The following SKOR2 variants were observed in gnomAD, a reference collection of about 807,000 sequenced individuals.
The protein encoded by SKOR2 is LBX1 corepressor 1-like protein.
In SKOR2, 47 loss-of-function variants were observed where a neutral mutation model predicts 69.1. The observed-to-expected ratio is 0.68, with a 90% CI of 0.54 to 0.87. SKOR2 has a LOEUF of 0.87. Among genes scored for constraint, SKOR2 ranks in the 40% least tolerant of loss-of-function variants. The pLI, the probability that SKOR2 is intolerant of heterozygous loss-of-function variation, is 0.00. For missense variants in SKOR2, 1,404 were observed against 1,472.2 expected (o/e 0.95, Z 0.76); for synonymous variants, 717 against 672.6 (o/e 1.07, Z -1.02).
chr18:47,222,103 T>C (rs2064163381), intron 6 of SKOR2, among the ~76,000 whole-genome samples: 1 of 152,158 alleles, frequency 6.6e-6, no homozygotes, highest in South Asian at 2.1e-4. Flanking sequence ...GGAAAATTGC[T>C]TGAGCCCAGG....
rs538459967 is a variant in SKOR2 at position 47,222,621 on chromosome 18, C to T, written c.2918-2611G>A. Among the ~76,000 whole-genome samples the T allele has an allele frequency of 5.9e-5, 9 of 152,330 alleles. No individual in the cohort carries two copies. The East Asian group carries it at 9.7e-4, about 16-fold the overall frequency. ...AGGAAGATCAGTGTGGTTCCAGACA[C>T]TGGAGCACATGGCAAGCATGGCTCC... On this transcript the variant is annotated intron_variant, in intron 6 of 8. Coordinates refer to ENST00000425639, the MANE Select transcript of SKOR2 (RefSeq NM_001278063.4).
intron 1 of SKOR2, among the ~76,000 whole-genome samples, chr18:47,249,797 G>T (rs1187428760): frequency 1.3e-5 from 2 of 152,084 alleles, no homozygotes; most frequent in East Asian, 3.9e-4. Flanking sequence ...AACGAAATCA[G>T]CCTTCTCCCT....
chr18:47,213,289 T>C (rs2064133459), intron 7 of SKOR2, among the ~76,000 whole-genome samples: 1 of 151,228 alleles, frequency 6.6e-6, no homozygotes, highest in South Asian at 2.1e-4. Context: ...TTCTAGAATG[T>C]AATGTGAAAT....
Position 47,250,379 on chromosome 18 carries a change from C to T in SKOR2, c.-48+995G>A, listed in dbSNP as rs911382850. Among the ~76,000 whole-genome samples the T allele has an allele frequency of 2.0e-5, 3 of 152,094 alleles. No homozygotes were observed. The East Asian group carries it at 5.8e-4, about 29-fold the overall frequency. On this transcript the variant is annotated intron_variant, in intron 1 of 8. Transcript: ENST00000425639. The stretch of plus-strand genomic sequence containing the variant: ...AAGTTGAAAATACAGAACAAGGAAG[C>T]GGAAAGAAATTTTAGTGACAATGCC...
rs1050184782 is a variant in SKOR2, at chr18:47,247,404, G to C, written c.1780C>G (p.Pro594Ala). The part of the protein sequence containing the change: ...GAGAAAAGSG[P>A]AGSRVPAPHH... Reference sequence around the variant, plus strand: ...GGCGCCGGAACCCGGGAGCCCGCGGGGCCAGACCCGGCGGCCGCGGCCCCT... The same window carrying C: ...GGCGCCGGAACCCGGGAGCCCGCGGCGCCAGACCCGGCGGCCGCGGCCCCT... The change falls in exon 2 of 9, where the codon CCC (proline) becomes GCC (alanine). Residue 594 changes from proline (P) to alanine (A), a missense_variant. Pro to Ala is a conservative substitution (Grantham distance 27). Transcript: ENST00000425639. The surrounding 1 kb of genome is among the most constrained non-coding windows in gnomAD (Gnocchi z 6.6). 8 of 1,326,900 alleles carry C rather than the reference G, an allele frequency of 6.0e-6. No individual in the cohort carries two copies. The highest frequency in any genetic ancestry group is 7.7e-6 in the Non-Finnish European group (8 of 1,041,912). The allele number at this position is 1,326,900 out of a possible 1,614,324, so 82.2% of individuals were successfully genotyped here.
intron 4 of SKOR2, among the ~76,000 whole-genome samples, chr18:47,235,795 A>C (rs1181136796): frequency 2.0e-5 from 3 of 151,484 alleles, no homozygotes; most frequent in African/African-American, 4.8e-5. Flanking sequence ...AAAAAAAAAA[A>C]AAAAAACAGC....
intron 4 of SKOR2, among the ~76,000 whole-genome samples, chr18:47,238,958 T>C (rs1600043020): frequency 6.6e-6 from 1 of 152,234 alleles, no homozygotes; most frequent in East Asian, 1.9e-4. Flanking sequence ...AAGCTCCACG[T>C]ATGCATGTTT....
intron 6 of SKOR2, among the ~76,000 whole-genome samples, chr18:47,220,694 A>G (rs2144486001): frequency 6.6e-6 from 1 of 152,300 alleles, no homozygotes; most frequent in East Asian, 1.9e-4. Context: ...TTATTGCATT[A>G]GGGAAAAAAT....
At chr18:47,233,619 A>T (rs149036698) in intron 4 of SKOR2, among the ~76,000 whole-genome samples, 104 of 152,320 alleles carry the variant, frequency 6.8e-4, no homozygotes, top group African/African-American at 2.3e-3. Flanking sequence ...CAACTTTCTC[A>T]ACCACTCAAA....
intron 7 of SKOR2, among the ~76,000 whole-genome samples, chr18:47,214,312 A>C (rs1276749205): frequency 6.6e-6 from 1 of 152,218 alleles, no homozygotes; most frequent in African/African-American, 2.4e-5. Flanking sequence ...GAAGGAAAAG[A>C]AAAGCAAAAA....
chr18:47,216,904 A>G lies in SKOR2; in HGVS notation c.2985+3039T>C, dbSNP rs577254881. On this transcript the variant is annotated intron_variant, in intron 7 of 8. Coordinates refer to ENST00000425639, the MANE Select transcript of SKOR2 (RefSeq NM_001278063.4). ...TTCAGGAAGCAAAGCATGCAACCAT[A>G]TTGACTGATGAATAAGATCATCCAA... 4.6e-5 allele frequency among the ~76,000 whole-genome samples: 7 copies of G among 152,340 alleles called. No homozygotes were observed. In the East Asian group the frequency reaches 1.3e-3, roughly 29 times the overall value.
chr18:47,218,900 T>TTG (rs1400528457), intron 7 of SKOR2, among the ~76,000 whole-genome samples: 1 of 152,120 alleles, frequency 6.6e-6, no homozygotes, highest in Non-Finnish European at 1.5e-5. Context: ...GAACTGAGAG[T>TTG]TGTTAACGAT....
chr18:47,245,404 G>T, intron 3 of SKOR2, 94 bp downstream of exon 3: 1 of 1,108,068 alleles, frequency 9.0e-7, no homozygotes, highest in Non-Finnish European at 1.2e-6. Flanking sequence ...CAGAATGGTG[G>T]TAGTGGGTAG....
intron 1 of SKOR2, 56 bp from the exon 2 acceptor site, chr18:47,249,286 G>T: frequency 1.5e-6 from 2 of 1,356,026 alleles, no homozygotes; most frequent in Non-Finnish European, 1.9e-6. Flanking sequence ...AAACAGAGGG[G>T]TGGGATGAAT....
chr18:47,212,047 C>G, intron 8 of SKOR2, 39 bp downstream of exon 8: 4 of 1,229,328 alleles, frequency 3.3e-6, no homozygotes, highest in Non-Finnish European at 4.1e-6. Flanking sequence ...CACAACAATA[C>G]AGAGAGTTAA....
intron 4 of SKOR2, among the ~76,000 whole-genome samples, chr18:47,241,563 CA>C (rs1256492145): frequency 6.6e-6 from 1 of 152,032 alleles, no homozygotes; most frequent in East Asian, 1.9e-4. Flanking sequence ...CCACACAGTC[CA>C]AACCCTTTAA....
chr18:47,223,551 C>G lies in SKOR2; in HGVS notation c.2918-3541G>C, dbSNP rs567336005. Among the ~76,000 whole-genome samples, 34 of 152,242 alleles carry G rather than the reference C, an allele frequency of 2.2e-4. 1 individual carries two copies. The highest frequency in any genetic ancestry group is 6.8e-3 in the Middle Eastern group (2 of 294). On this transcript the variant is annotated intron_variant, in intron 6 of 8. Coordinates refer to ENST00000425639, the MANE Select transcript of SKOR2 (RefSeq NM_001278063.4). ...GCAAAGACTTAGTTACAAGGGTGTC[C>G]ATTATCTAAAACTTGGACAAACCTT...
chr18:47,227,757 A>T (rs1484679309), intron 6 of SKOR2, among the ~76,000 whole-genome samples: 1 of 152,190 alleles, frequency 6.6e-6, no homozygotes, highest in African/African-American at 2.4e-5. Context: ...CAGCATGTGC[A>T]CAGCACTTCA....
chr18:47,244,678 A>T (rs970988936), intron 4 of SKOR2, among the ~76,000 whole-genome samples: 1 of 152,288 alleles, frequency 6.6e-6, no homozygotes, highest in East Asian at 1.9e-4. Context: ...AGCCTGTTTC[A>T]TTGTGTAACC....
Sources: gnomAD v4.1 joint callset for allele counts (sites outside exome capture counted in the v4.1 genomes callset) on GRCh38, gnomAD v4.1.1 for gene constraint, Gnocchi (gnomAD v3.1) non-coding constraint, MANE v1.5 for transcripts, NCBI Gene and HGNC (gene_info 2026-07-23, HGNC 2026-07-21) for gene names.